The following NKAIN2 variants were observed in gnomAD, a reference collection of about 807,000 sequenced individuals.
NKAIN2 encodes sodium/potassium-transporting ATPase subunit beta-1-interacting protein 2.
In NKAIN2, 14 loss-of-function variants were observed where a neutral mutation model predicts 32.6. The observed-to-expected ratio is 0.43, with a 90% CI of 0.28 to 0.67. The LOEUF is 0.67. Among genes scored for constraint, NKAIN2 ranks in the 30% least tolerant of loss-of-function variants. NKAIN2 has a pLI of 0.17. For synonymous variants in NKAIN2, 80 were observed against 87.2 expected, an observed-to-expected ratio of 0.92 and a Z score of 0.46; for missense variants, 198 against 258.3, an observed-to-expected ratio of 0.77 and a Z score of 1.60.
intron 5 of NKAIN2, among the ~76,000 whole-genome samples, chr6:124,801,078 C>A (rs1280572042): frequency 6.6e-6 from 1 of 152,134 alleles, no homozygotes; most frequent in African/African-American, 2.4e-5. Context: ...TGGCTCCAAA[C>A]CCGTCACCCC....
intron 1 of NKAIN2, among the ~76,000 whole-genome samples, chr6:124,252,059 A>G (rs1793712811): frequency 6.6e-6 from 1 of 152,080 alleles, no homozygotes; most frequent in African/African-American, 2.4e-5. Context: ...TCAATTAAAA[A>G]TGAAATGTTA....
At chr6:124,012,103 T>C (rs1780357820) in intron 1 of NKAIN2, among the ~76,000 whole-genome samples, 1 of 152,124 alleles carries the variant, frequency 6.6e-6, no homozygotes, top group South Asian at 2.1e-4. Context: ...ACCATGTTGA[T>C]ATATTCTTAT....
chr6:124,745,110 G>GT (rs889310536), intron 4 of NKAIN2, among the ~76,000 whole-genome samples: 1 of 151,774 alleles, frequency 6.6e-6, no homozygotes, highest in African/African-American at 2.4e-5. Flanking sequence ...AGACAAATTA[G>GT]TCTAATGCAG....
At chr6:124,628,017 A>C (rs74709126) in intron 3 of NKAIN2, among the ~76,000 whole-genome samples, 15,333 of 152,260 alleles carry the variant, frequency 0.1, 1,080 homozygotes, top group South Asian at 0.3. Context: ...GTTCACACAC[A>C]CATTCGCATA....
chr6:124,572,037 TCACCAA>T (rs1781147224), intron 3 of NKAIN2, among the ~76,000 whole-genome samples: 1 of 152,016 alleles, frequency 6.6e-6, no homozygotes, highest in Non-Finnish European at 1.5e-5. Flanking sequence ...GACTATCCCA[TCACCAA>T]GTCCAGAGAC....
At chr6:124,213,962 C>T (rs1214870125) in intron 1 of NKAIN2, among the ~76,000 whole-genome samples, 1 of 152,110 alleles carries the variant, frequency 6.6e-6, no homozygotes, top group Non-Finnish European at 1.5e-5. Flanking sequence ...TAATAGCTTT[C>T]AAATAGCCAA....
At chr6:124,133,235 G>A (rs1786568567) in intron 1 of NKAIN2, among the ~76,000 whole-genome samples, 2 of 152,132 alleles carry the variant, frequency 1.3e-5, no homozygotes, top group African/African-American at 4.8e-5. Context: ...CCAGATTCAG[G>A]CCTGCATGAG....
intron 3 of NKAIN2, among the ~76,000 whole-genome samples, chr6:124,573,120 G>A (rs868309390): frequency 2.0e-5 from 3 of 152,170 alleles, no homozygotes; most frequent in African/African-American, 4.8e-5. Flanking sequence ...GATTACAAGC[G>A]TGAGCCACCA....
chr6:123,988,844 A>G (rs1779278488), intron 1 of NKAIN2, among the ~76,000 whole-genome samples: 1 of 151,460 alleles, frequency 6.6e-6, no homozygotes, highest in African/African-American at 2.4e-5. Flanking sequence ...GTAAAACTGA[A>G]TTAGTTGCTG....
intron 3 of NKAIN2, among the ~76,000 whole-genome samples, chr6:124,650,920 C>G (rs921645110): frequency 1.3e-5 from 2 of 152,298 alleles, no homozygotes; most frequent in Non-Finnish European, 2.9e-5. Context: ...GGATGAGACT[C>G]AAAGCACAAT....
chr6:124,407,827 T>C (rs1773939419), intron 3 of NKAIN2, among the ~76,000 whole-genome samples: 1 of 150,254 alleles, frequency 6.7e-6, no homozygotes, highest in African/African-American at 2.4e-5. Context: ...GTAAAAGTGT[T>C]CCTATTTCTC....
At chr6:123,827,330 C>CAGGAACCCTGCT (rs1205620643) in intron 1 of NKAIN2, among the ~76,000 whole-genome samples, 1 of 152,114 alleles carries the variant, frequency 6.6e-6, no homozygotes, top group Non-Finnish European at 1.5e-5. Flanking sequence ...TCTTGATATA[C>CAGGAACCCTGCT]AGGAACCCTG....
At chr6:123,857,334 T>C (rs1232502728) in intron 1 of NKAIN2, among the ~76,000 whole-genome samples, 1 of 152,132 alleles carries the variant, frequency 6.6e-6, no homozygotes, top group East Asian at 1.9e-4. Flanking sequence ...GTATATTATT[T>C]ACTTGGTAGT....
intron 1 of NKAIN2, among the ~76,000 whole-genome samples, chr6:124,073,063 G>A (rs1439222703): frequency 6.6e-6 from 1 of 152,184 alleles, no homozygotes. Context: ...AACCCATGGA[G>A]GGAAGCAGGG....
intron 1 of NKAIN2, among the ~76,000 whole-genome samples, chr6:124,151,172 A>G (rs545838167): frequency 6.6e-6 from 1 of 152,070 alleles, no homozygotes; most frequent in African/African-American, 2.4e-5. Flanking sequence ...AGCAAAGGGA[A>G]GAAAACTTTT....
At chr6:123,936,810 C>G (rs943523487) in intron 1 of NKAIN2, among the ~76,000 whole-genome samples, 2 of 151,976 alleles carry the variant, frequency 1.3e-5, no homozygotes, top group East Asian at 1.9e-4. Context: ...GACAGGATAA[C>G]AAAATGAATT....
chr6:123,823,834 G>A (rs1356632184), intron 1 of NKAIN2, among the ~76,000 whole-genome samples: 1 of 152,102 alleles, frequency 6.6e-6, no homozygotes, highest in African/African-American at 2.4e-5. Flanking sequence ...GAGGAAGACT[G>A]GGAAAGCATT....
chr6:123,997,821 T>A (rs1779695989), intron 1 of NKAIN2, among the ~76,000 whole-genome samples: 1 of 151,996 alleles, frequency 6.6e-6, no homozygotes, highest in South Asian at 2.1e-4. Context: ...GCCAGGATGG[T>A]CTCGATCTTC....
chr6:124,154,058 TA>T (rs1787863376), intron 1 of NKAIN2, among the ~76,000 whole-genome samples: 1 of 151,678 alleles, frequency 6.6e-6, no homozygotes, highest in South Asian at 2.1e-4. Context: ...ACAACTGAAA[TA>T]ATTATGATTT....
Sources: gnomAD v4.1 joint callset for allele counts (sites outside exome capture counted in the v4.1 genomes callset) on GRCh38, gnomAD v4.1.1 for gene constraint, MANE v1.5 for transcripts, NCBI Gene and HGNC (gene_info 2026-07-23, HGNC 2026-07-21) for gene names.